The following ESYT2 variants were observed in gnomAD, a reference collection of about 807,000 sequenced individuals.
ESYT2 encodes extended synaptotagmin 2.
Under a neutral mutation model 107.2 loss-of-function variants are expected in ESYT2, and 54 were observed. That is an observed-to-expected ratio of 0.50 (90% confidence interval 0.40 to 0.63). ESYT2 has a LOEUF of 0.63. Ranked by LOEUF, ESYT2 falls within the 30% of genes least tolerant of loss-of-function variation. The pLI is 0.00. For synonymous variants in ESYT2, 491 were observed against 434.1 expected (o/e 1.13, Z -1.63); for missense variants, 1,020 against 1,094.5 (o/e 0.93, Z 0.96).
intron 16 of ESYT2, among the ~76,000 whole-genome samples, chr7:158,745,568 G>A (rs1318492905): frequency 6.6e-6 from 1 of 152,166 alleles, no homozygotes; most frequent in African/African-American, 2.4e-5. Context: ...TGCACGTGGA[G>A]TGTGTCCCAG....
intron 13 of ESYT2, among the ~76,000 whole-genome samples, chr7:158,757,290 T>C (rs1837791199): frequency 6.6e-6 from 1 of 152,206 alleles, no homozygotes; most frequent in African/African-American, 2.4e-5. Context: ...ATTCTGGCAG[T>C]TTCCAAACAG....
At chr7:158,761,376 G>T in intron 11 of ESYT2, 120 bp downstream of exon 11, 1 of 785,644 alleles carries the variant, frequency 1.3e-6, no homozygotes, top group Admixed American at 2.2e-5. Flanking sequence ...TGTTGTTCAT[G>T]CCATACTAAT....
Position 158,733,168 on chromosome 7 carries a change from G to A in ESYT2, c.*1039C>T, listed in dbSNP as rs1836802903. ...GGCTCAAAGGTCCCACATCCTATGT[G>A]TGAGGTCACACTGGGGGTTCCTGAC... On this transcript the variant is annotated 3_prime_UTR_variant, in exon 23 of 23. Transcript: ENST00000275418. The A allele has an allele frequency of 6.6e-6, 1 of 152,198 alleles. No homozygotes were observed. Among genetic ancestry groups the A allele is most frequent in the African/African-American group, 2.4e-5 (1 of 41,432 alleles). The allele number at this position is 152,198 out of a possible 1,614,324, so 9.4% of individuals were successfully genotyped here. A position where few individuals can be genotyped will look rare whatever the true frequency, so the allele number is the denominator to read the frequency against.
chr7:158,788,735 T>C (rs1440954952), intron 4 of ESYT2, among the ~76,000 whole-genome samples: 1 of 152,266 alleles, frequency 6.6e-6, no homozygotes, highest in East Asian at 1.9e-4. Context: ...AAGATGCGAA[T>C]AACAAACTGC....
rs770207764 is a variant in ESYT2 at position 158,764,836 on chromosome 7, A to G, written c.942T>C (p.His314=). 6.2e-7 allele frequency: 1 copy of G among 1,614,102 alleles called. No homozygotes were observed. Residue 314 remains histidine (H), a synonymous_variant, in exon 9 of 23, where the codon CAT becomes CAC. Coordinates refer to ENST00000275418, the MANE Select transcript of ESYT2 (RefSeq NM_001367773.1). ...FPVPKGVLRI[H]FIEAQDLQGK... Reference sequence around the variant, plus strand: ...CCTGAAGATCCTGAGCTTCAATAAAATGTATCCTTAGAACACCCTGAAAAG... The same window carrying G: ...CCTGAAGATCCTGAGCTTCAATAAAGTGTATCCTTAGAACACCCTGAAAAG...
Position 158,829,345 on chromosome 7 carries a change from G to A in ESYT2, c.74C>T (p.Pro25Leu), listed in dbSNP as rs550205805. Residue 25 changes from proline to leucine, a missense_variant, in exon 1 of 23, where the codon CCC (proline) becomes CTC (leucine). Pro to Leu is a moderately conservative substitution (Grantham distance 98, BLOSUM62 -3). Transcript: ENST00000275418. The stretch of plus-strand genomic sequence containing the variant: ...CAGCTCCACGCTCAGCACGCCCCCG[G>A]GGTTCTCAGGCGCCGCGCGGCCCCC... ...GAGGRAAPEN[P>L]GGVLSVELPG... 124 of 1,423,420 alleles carry A rather than the reference G, an allele frequency of 8.7e-5. 1 individual carries two copies. Among genetic ancestry groups the A allele is most frequent in the East Asian group, 4.0e-4 (13 of 32,428 alleles). 88.2% of individuals were successfully genotyped at this position (1,423,420 alleles called of 1,614,324 possible).
chr7:158,783,551 G>A (rs1839000896), intron 6 of ESYT2, among the ~76,000 whole-genome samples: 1 of 152,168 alleles, frequency 6.6e-6, no homozygotes, highest in Admixed American at 6.5e-5. Context: ...CTTCACTTTT[G>A]ACCACACGGG....
At position 158,803,430 on chromosome 7, in the gene ESYT2, T is replaced by C. The variant is rs535661450; in HGVS notation, c.331-4358A>G. ...CACAATAGAAATCGGAAACTCTGGT[T>C]TCTAGAAGCCTTTAGGCAAGCAACA... On this transcript the variant is annotated intron_variant, in intron 1 of 22. Coordinates refer to ENST00000275418, the MANE Select transcript of ESYT2 (RefSeq NM_001367773.1). 3.9e-5 allele frequency among the ~76,000 whole-genome samples: 6 copies of C among 152,322 alleles called. No homozygotes were observed. In the East Asian group the frequency reaches 1.2e-3, roughly 29 times the overall value.
intron 13 of ESYT2, among the ~76,000 whole-genome samples, chr7:158,758,004 C>G (rs1334932060): frequency 2.0e-5 from 3 of 152,150 alleles, no homozygotes; most frequent in Non-Finnish European, 4.4e-5. Flanking sequence ...AGATTAAATA[C>G]TTAATGAAAT....
chr7:158,801,879 T>C (rs1563029681), intron 1 of ESYT2, among the ~76,000 whole-genome samples: 2 of 152,138 alleles, frequency 1.3e-5, no homozygotes, highest in Non-Finnish European at 2.9e-5. Context: ...AAACCAAATA[T>C]ACAAAGACAG....
intron 1 of ESYT2, among the ~76,000 whole-genome samples, chr7:158,823,601 C>T (rs1406677210): frequency 6.6e-6 from 1 of 152,096 alleles, no homozygotes; most frequent in Non-Finnish European, 1.5e-5. Context: ...GCAGAGATTA[C>T]AGGTGTGAGC....
Position 158,732,677 on chromosome 7 carries a change from C to A in ESYT2, c.*1530G>T, listed in dbSNP as rs1836787335. On this transcript the variant is annotated 3_prime_UTR_variant, in exon 23 of 23. Coordinates refer to ENST00000275418, the MANE Select transcript of ESYT2 (RefSeq NM_001367773.1). ...TGCTAGAAGGGAGGGTGGGTAGACG[C>A]CACCCGCCCCGTCACAGGCACTTTG... 1 of 152,630 alleles carries A rather than the reference C, an allele frequency of 6.6e-6. No homozygotes were observed. Among genetic ancestry groups the A allele is most frequent in the Admixed American group, 6.5e-5 (1 of 15,282 alleles). 9.5% of individuals were successfully genotyped at this position (152,630 alleles called of 1,614,324 possible). A position where few individuals can be genotyped will look rare whatever the true frequency, so the allele number is the denominator to read the frequency against.
chr7:158,802,559 G>A (rs1563030086), intron 1 of ESYT2, among the ~76,000 whole-genome samples: 1 of 152,174 alleles, frequency 6.6e-6, no homozygotes, highest in Admixed American at 6.6e-5. Flanking sequence ...GGGATTACAG[G>A]CATGAGCCAC....
chr7:158,815,848 A>C (rs916281072), intron 1 of ESYT2, among the ~76,000 whole-genome samples: 1 of 152,246 alleles, frequency 6.6e-6, no homozygotes, highest in East Asian at 1.9e-4. Context: ...AGCACAGTCC[A>C]TTAACAGTGA....
At chr7:158,784,520 A>G (rs1839041113) in intron 6 of ESYT2, among the ~76,000 whole-genome samples, 1 of 152,220 alleles carries the variant, frequency 6.6e-6, no homozygotes, top group East Asian at 1.9e-4. Flanking sequence ...ATGCTATTCC[A>G]CATGTGGACT....
At chr7:158,743,914 A>G (rs1006081812) in intron 16 of ESYT2, 2 of 374,014 alleles carry the variant, frequency 5.3e-6, no homozygotes, top group African/African-American at 4.4e-5. Context: ...CTCTACTAAA[A>G]ATACAAAAAA....
intron 1 of ESYT2, among the ~76,000 whole-genome samples, chr7:158,826,522 T>C (rs557328996): frequency 6.6e-6 from 1 of 152,224 alleles, no homozygotes; most frequent in Non-Finnish European, 1.5e-5. Context: ...TGTATTTTTT[T>C]TTTTTTTAAA....
chr7:158,763,043 C>T, intron 10 of ESYT2, 40 bp downstream of exon 10: 2 of 1,454,542 alleles, frequency 1.4e-6, no homozygotes. Context: ...AAAGACTGAC[C>T]CCATGCCCTC....
intron 3 of ESYT2, among the ~76,000 whole-genome samples, chr7:158,797,117 T>A (rs1002630056): frequency 6.6e-6 from 1 of 151,892 alleles, no homozygotes; most frequent in Non-Finnish European, 1.5e-5. Context: ...CCGGTAGACC[T>A]TGGTGAACAA....
Sources: gnomAD v4.1 joint callset for allele counts (sites outside exome capture counted in the v4.1 genomes callset) on GRCh38, gnomAD v4.1.1 for gene constraint, MANE v1.5 for transcripts, NCBI Gene and HGNC (gene_info 2026-07-23, HGNC 2026-07-21) for gene names.